Variants in CADPS observed in about 807,000 individuals in gnomAD.
CADPS encodes the protein calcium dependent secretion activator.
A neutral mutation model predicts 167.3 loss-of-function variants in CADPS; 57 were observed. That is an observed-to-expected ratio of 0.34 (90% CI 0.28 to 0.42). The LOEUF (loss-of-function observed/expected upper bound fraction) is 0.42, where lower values mean the gene tolerates loss of function less well. Among genes scored for constraint, CADPS ranks in the 20% least tolerant of loss-of-function variants. The pLI is 1.00. For missense variants in CADPS, 1,414 were observed against 1,738.1 expected, an observed-to-expected ratio of 0.81 and a Z score of 3.32; for synonymous variants, 676 against 635.3, an observed-to-expected ratio of 1.06 and a Z score of -0.96.
intron 9 of CADPS, among the ~76,000 whole-genome samples, chr3:62,566,262 G>A (rs2080173621): frequency 6.6e-6 from 1 of 152,224 alleles, no homozygotes; most frequent in Non-Finnish European, 1.5e-5. Context: ...TCTGCAAATT[G>A]AACCAGGGTG....
intron 29 of CADPS, among the ~76,000 whole-genome samples, chr3:62,400,601 C>CTTTCTTT (rs1553688327): frequency 7.7e-6 from 1 of 130,438 alleles, no homozygotes; most frequent in Non-Finnish European, 1.6e-5. Context: ...TTTTTTTTTT[C>CTTTCTTT]TTTTTTTTTT....
intron 9 of CADPS, among the ~76,000 whole-genome samples, chr3:62,568,128 A>T (rs1273824009): frequency 6.6e-6 from 1 of 152,174 alleles, no homozygotes; most frequent in Non-Finnish European, 1.5e-5. Context: ...AGATGCAAGG[A>T]TGGAAAGTGG....
intron 13 of CADPS, among the ~76,000 whole-genome samples, chr3:62,528,159 G>T (rs750642215): frequency 6.6e-6 from 1 of 151,980 alleles, no homozygotes; most frequent in African/African-American, 2.4e-5. Context: ...AAACGGCCAG[G>T]TTTGCCATCT....
chr3:62,536,869 G>A (rs1280757480), intron 11 of CADPS, among the ~76,000 whole-genome samples: 3 of 152,086 alleles, frequency 2.0e-5, no homozygotes, highest in Admixed American at 6.6e-5. Context: ...GCATAAGACC[G>A]TAACTTCGCC....
intron 20 of CADPS, among the ~76,000 whole-genome samples, 169 bp from the exon 21 acceptor site, chr3:62,491,649 G>GA (rs1290753834): frequency 1.3e-5 from 2 of 151,698 alleles, no homozygotes; most frequent in South Asian, 2.1e-4. Flanking sequence ...AGAAGAGAAG[G>GA]AAAAAAGTAC....
At chr3:62,663,938 G>C (rs988662334) in intron 3 of CADPS, among the ~76,000 whole-genome samples, 9 of 152,116 alleles carry the variant, frequency 5.9e-5, no homozygotes, top group South Asian at 4.1e-4. Flanking sequence ...TTTTCCAAAG[G>C]GTGTTCTGTT....
At chr3:62,838,903 A>T (rs1007876884) in intron 1 of CADPS, among the ~76,000 whole-genome samples, 1 of 152,234 alleles carries the variant, frequency 6.6e-6, no homozygotes, top group African/African-American at 2.4e-5. Context: ...CCCAGCTCAA[A>T]TACATTTGAA....
intron 16 of CADPS, among the ~76,000 whole-genome samples, chr3:62,513,266 T>C (rs1245576084): frequency 6.6e-6 from 1 of 152,082 alleles, no homozygotes; most frequent in African/African-American, 2.4e-5. Flanking sequence ...ATATCCTTTA[T>C]CTGACACCTA....
intron 9 of CADPS, among the ~76,000 whole-genome samples, chr3:62,566,495 A>T (rs944451593): frequency 3.3e-5 from 5 of 152,180 alleles, no homozygotes; most frequent in African/African-American, 1.2e-4. Context: ...TTCCTCCTGC[A>T]GCTCTGATGG....
intron 3 of CADPS, among the ~76,000 whole-genome samples, chr3:62,707,932 G>C (rs2082628739): frequency 6.6e-6 from 1 of 151,828 alleles, no homozygotes; most frequent in Non-Finnish European, 1.5e-5. Context: ...TTTTGTTTTT[G>C]TTTTTGTTTG....
intron 1 of CADPS, among the ~76,000 whole-genome samples, chr3:62,851,242 T>G (rs2078518573): frequency 7.1e-6 from 1 of 140,850 alleles, no homozygotes; most frequent in African/African-American, 2.6e-5. Flanking sequence ...TGCCAGTCTG[T>G]GTCTTTTAAT....
At chr3:62,507,901 G>A (rs933245366) in intron 17 of CADPS, among the ~76,000 whole-genome samples, 5 of 152,134 alleles carry the variant, frequency 3.3e-5, no homozygotes, top group South Asian at 2.1e-4. Context: ...TGTGCTAACC[G>A]ATTTATTTAG....
intron 6 of CADPS, among the ~76,000 whole-genome samples, chr3:62,622,267 A>G (rs2063315051): frequency 6.6e-6 from 1 of 152,112 alleles, no homozygotes; most frequent in Admixed American, 6.6e-5. Flanking sequence ...ACTTTTGGAT[A>G]CTTCTCGCTC....
intron 3 of CADPS, among the ~76,000 whole-genome samples, chr3:62,696,032 G>C (rs915333312): frequency 1.3e-5 from 2 of 152,092 alleles, no homozygotes; most frequent in African/African-American, 4.8e-5. Context: ...TCAGTTATCA[G>C]GGAAACTTCA....
At chr3:62,503,374 T>C (rs539669355) in intron 17 of CADPS, among the ~76,000 whole-genome samples, 2 of 152,340 alleles carry the variant, frequency 1.3e-5, no homozygotes, top group African/African-American at 4.8e-5. Context: ...TTTTCTTGTA[T>C]ATGTTACAGG....
chr3:62,643,395 C>A (rs910930311), intron 6 of CADPS, among the ~76,000 whole-genome samples: 2 of 152,182 alleles, frequency 1.3e-5, no homozygotes, highest in African/African-American at 4.8e-5. Context: ...AATCAACCAA[C>A]CTACTGACTG....
Position 62,695,173 on chromosome 3 carries a change from T to C in CADPS, c.889-32779A>G, listed in dbSNP as rs2080034481. On this transcript the variant is annotated intron_variant, in intron 3 of 29. Coordinates refer to ENST00000383710, the MANE Select transcript of CADPS (RefSeq NM_003716.4). ...AGAACACAAAGATAGATGTGATGATTGCTGAGATTTTTTGACCTGATTTTG... is the reference window on the plus strand; with the variant it reads ...AGAACACAAAGATAGATGTGATGATCGCTGAGATTTTTTGACCTGATTTTG... Among the ~76,000 whole-genome samples, 2 of 152,104 alleles carry C rather than the reference T, an allele frequency of 1.3e-5. 1 individual carries two copies. The highest frequency in any genetic ancestry group is 4.1e-4 in the South Asian group (2 of 4,826).
Position 62,544,345 on chromosome 3 carries a change from C to A in CADPS, c.1966+5558G>T, listed in dbSNP as rs1227695765. 6.6e-6 allele frequency among the ~76,000 whole-genome samples: 1 copy of A among 152,028 alleles called. No homozygotes were observed. The highest frequency in any genetic ancestry group is 2.4e-5 in the African/African-American group (1 of 41,406). On this transcript the variant is annotated intron_variant, in intron 11 of 29. Transcript: ENST00000383710. This position sits in a 1 kb window ranked among gnomAD's most constrained non-coding sequence, Gnocchi z 4.4. ...TCAGTTAACAACTCTGGGTTTCCTA[C>A]CCCACTTATTTTTTAAGGTATCCAT... is the stretch of plus-strand genomic sequence containing the variant.
At chr3:62,418,445 A>AC (rs1433575900) in intron 28 of CADPS, among the ~76,000 whole-genome samples, 1 of 138,742 alleles carries the variant, frequency 7.2e-6, no homozygotes, top group Non-Finnish European at 1.5e-5. Flanking sequence ...CTGCCTCAGC[A>AC]CCCCAAGTAG....
Sources: gnomAD v4.1 joint callset for allele counts (sites outside exome capture counted in the v4.1 genomes callset) on GRCh38, gnomAD v4.1.1 for gene constraint, Gnocchi (gnomAD v3.1) non-coding constraint, MANE v1.5 for transcripts, NCBI Gene and HGNC (gene_info 2026-07-23, HGNC 2026-07-21) for gene names.